Variants in RBMS3 observed in about 807,000 individuals in gnomAD.
RBMS3 encodes the protein RNA binding motif single stranded interacting protein 3.
A neutral mutation model predicts 66.8 loss-of-function variants in RBMS3; 27 were observed. The observed-to-expected ratio is 0.40, with a 90% CI of 0.30 to 0.56. RBMS3 has a LOEUF of 0.56. RBMS3 is among the 20% of genes least tolerant of loss of function. The pLI is 0.40. For synonymous variants in RBMS3, 188 were observed against 183.0 expected (o/e 1.03, Z -0.22); for missense variants, 513 against 549.5 (o/e 0.93, Z 0.66).
At chr3:29,632,131 G>A (rs2049304973) in intron 4 of RBMS3, among the ~76,000 whole-genome samples, 1 of 151,886 alleles carries the variant, frequency 6.6e-6, no homozygotes, top group African/African-American at 2.4e-5. Flanking sequence ...GCTTTGATGT[G>A]AGTTTTACCA....
chr3:29,897,544 G>A, intron 9 of RBMS3, 69 bp downstream of exon 9: 2 of 1,406,326 alleles, frequency 1.4e-6, no homozygotes, highest in Middle Eastern at 1.8e-4. Context: ...GAGGCAAAAA[G>A]GACACAGTAG....
intron 1 of RBMS3, among the ~76,000 whole-genome samples, chr3:29,365,549 C>A (rs1379645128): frequency 1.3e-5 from 2 of 150,140 alleles, no homozygotes; most frequent in African/African-American, 4.8e-5. Context: ...CTACAATGAA[C>A]ATGAAACAAA....
intron 1 of RBMS3, among the ~76,000 whole-genome samples, chr3:29,347,627 G>C (rs2036656003): frequency 6.6e-6 from 1 of 152,150 alleles, no homozygotes; most frequent in African/African-American, 2.4e-5. Flanking sequence ...CAGTTTCCAA[G>C]GTTATGACAA....
At chr3:29,455,800 G>A (rs73044615) in intron 2 of RBMS3, among the ~76,000 whole-genome samples, 202 of 146,370 alleles carry the variant, frequency 1.4e-3, no homozygotes, top group Non-Finnish European at 2.2e-3. Context: ...TCACACACAC[G>A]CACAAAAAAA....
chr3:29,779,269 G>A (rs1447683001), intron 6 of RBMS3, among the ~76,000 whole-genome samples: 2 of 151,176 alleles, frequency 1.3e-5, no homozygotes, highest in East Asian at 1.9e-4. Context: ...ATGTTCTTTT[G>A]TATGTGTGTG....
intron 6 of RBMS3, among the ~76,000 whole-genome samples, chr3:29,845,743 T>C (rs1467760508): frequency 6.6e-6 from 1 of 152,180 alleles, no homozygotes; most frequent in Non-Finnish European, 1.5e-5. Context: ...AACATAAAAA[T>C]AAACTGTAAT....
At chr3:29,976,343 G>C (rs912966849) in intron 12 of RBMS3, among the ~76,000 whole-genome samples, 3 of 151,934 alleles carry the variant, frequency 2.0e-5, no homozygotes, top group African/African-American at 7.2e-5. Context: ...AGTATATCCT[G>C]CTCTGTATTC....
At chr3:29,389,016 A>T (rs571160430) in intron 1 of RBMS3, among the ~76,000 whole-genome samples, 2 of 152,328 alleles carry the variant, frequency 1.3e-5, no homozygotes, top group East Asian at 3.8e-4. Flanking sequence ...TTGATTTTTT[A>T]AAATTTAAAA....
At chr3:29,794,767 A>T (rs2057126924) in intron 6 of RBMS3, among the ~76,000 whole-genome samples, 1 of 152,174 alleles carries the variant, frequency 6.6e-6, no homozygotes. Context: ...CAAGTTTAGG[A>T]GATTCATTTT....
intron 6 of RBMS3, among the ~76,000 whole-genome samples, chr3:29,785,285 G>T (rs560834659): frequency 7.6e-4 from 115 of 152,152 alleles, no homozygotes; most frequent in African/African-American, 2.6e-3. Flanking sequence ...CTAGTGAACT[G>T]AATCCAACAG....
At chr3:29,551,269 A>T (rs1414040806) in intron 3 of RBMS3, among the ~76,000 whole-genome samples, 1 of 152,200 alleles carries the variant, frequency 6.6e-6, no homozygotes, top group South Asian at 2.1e-4. Flanking sequence ...CTCTCATCCT[A>T]TTAAAAAGAG....
At chr3:29,743,222 C>T (rs1451563516) in intron 5 of RBMS3, among the ~76,000 whole-genome samples, 3 of 152,170 alleles carry the variant, frequency 2.0e-5, no homozygotes, top group African/African-American at 7.2e-5. Context: ...CTAATTTGAT[C>T]ATTCACAACT....
chr3:29,920,853 C>CA (rs10576471), intron 10 of RBMS3, among the ~76,000 whole-genome samples: 5,452 of 97,748 alleles, frequency 0.056, 272 homozygotes, highest in African/African-American at 0.14. Context: ...CACGTGGTCT[C>CA]AAAAAAAAAA....
At chr3:29,569,254 G>A (rs536020733) in intron 3 of RBMS3, among the ~76,000 whole-genome samples, 1 of 152,032 alleles carries the variant, frequency 6.6e-6, no homozygotes, top group African/African-American at 2.4e-5. Context: ...CCATGTCCTA[G>A]GATCCTGAAA....
At chr3:29,322,176 C>T (rs568355303) in intron 1 of RBMS3, among the ~76,000 whole-genome samples, 1 of 150,998 alleles carries the variant, frequency 6.6e-6, no homozygotes, top group Non-Finnish European at 1.5e-5. Flanking sequence ...TCTTCATTTT[C>T]TTCTTTTCTA....
At chr3:29,573,596 C>T (rs1036937477) in intron 3 of RBMS3, among the ~76,000 whole-genome samples, 2 of 151,884 alleles carry the variant, frequency 1.3e-5, no homozygotes, top group African/African-American at 4.8e-5. Context: ...GATTTCTTTT[C>T]TTCTAACTTT....
At chr3:29,798,364 G>C (rs2057282007) in intron 6 of RBMS3, among the ~76,000 whole-genome samples, 2 of 117,344 alleles carry the variant, frequency 1.7e-5, no homozygotes, top group South Asian at 3.8e-4. Flanking sequence ...GGGAGGGGAG[G>C]GAATGGAGAG....
At chr3:29,335,204 G>C (rs2035878017) in intron 1 of RBMS3, among the ~76,000 whole-genome samples, 2 of 151,732 alleles carry the variant, frequency 1.3e-5, no homozygotes, top group African/African-American at 4.8e-5. Flanking sequence ...CTATCCTATT[G>C]GATTTTGCCA....
intron 2 of RBMS3, among the ~76,000 whole-genome samples, chr3:29,477,210 T>C (rs2042976625): frequency 6.6e-6 from 1 of 152,166 alleles, no homozygotes; most frequent in Non-Finnish European, 1.5e-5. Flanking sequence ...CTCACTCTCT[T>C]AGTGGATGAA....
Sources: allele counts gnomAD v4.1 joint callset (sites outside exome capture counted in the v4.1 genomes callset), GRCh38; gene constraint gnomAD v4.1.1; transcripts MANE v1.5; gene names NCBI Gene and HGNC (gene_info 2026-07-23, HGNC 2026-07-21).